VCAN: variants seen among roughly 807,000 people sequenced by gnomAD.
The protein encoded by VCAN is versican core protein.
In VCAN, 44 loss-of-function variants were observed where a neutral mutation model predicts 245.5. That is an observed-to-expected ratio of 0.18 (90% CI 0.14 to 0.23). The LOEUF (loss-of-function observed/expected upper bound fraction) is 0.23, where lower values mean the gene tolerates loss of function less well. VCAN is among the 10% of genes least tolerant of loss of function. The pLI, the probability that VCAN is intolerant of heterozygous loss-of-function variation, is 1.00. For synonymous variants in VCAN, 1,413 were observed against 1,437.0 expected (o/e 0.98, Z 0.38); for missense variants, 3,793 against 4,057.9 (o/e 0.93, Z 1.77).
rs776337557 is a variant in VCAN, at chr5:83,540,874, A to T, written c.7871A>T (p.Glu2624Val). 1.4e-5 allele frequency: 23 copies of T among 1,613,894 alleles called. No homozygotes were observed. The highest frequency in any genetic ancestry group is 2.2e-5 in the East Asian group (1 of 44,872). The change falls in exon 8 of 15, where the codon GAG becomes GTG. Residue 2624 changes from glutamate to valine, a missense_variant. Transcript: ENST00000265077. ...DDSTQVQEIYEAAVNLSLTEE... is the reference protein window; with the variant it reads ...DDSTQVQEIYVAAVNLSLTEE... ...AGCACTCAAGTTCAAGAGATCTATG[A>T]GGCAGCTGTCAACCTTTCTTTAACT...
intron 5 of VCAN, among the ~76,000 whole-genome samples, chr5:83,505,917 G>A (rs980628162): frequency 6.6e-6 from 1 of 152,210 alleles, no homozygotes; most frequent in Non-Finnish European, 1.5e-5. Context: ...AGCTGCCAAG[G>A]TTTGGGGCTT....
intron 10 of VCAN, 37 bp downstream of exon 10, chr5:83,548,121 T>C (rs1747306892): frequency 6.4e-7 from 1 of 1,556,920 alleles, no homozygotes; most frequent in East Asian, 2.2e-5. Flanking sequence ...ATGAACATTA[T>C]TGATTTTTTT....
At chr5:83,555,919 T>G (rs541447801) in intron 12 of VCAN, among the ~76,000 whole-genome samples, 1 of 152,342 alleles carries the variant, frequency 6.6e-6, no homozygotes, top group Non-Finnish European at 1.5e-5. Context: ...GTGTAAAATA[T>G]TGAAGATAAT....
intron 9 of VCAN, among the ~76,000 whole-genome samples, chr5:83,546,231 T>G (rs1747213397): frequency 6.9e-6 from 1 of 145,610 alleles, no homozygotes; most frequent in Non-Finnish European, 1.5e-5. Context: ...TTAGGCATCC[T>G]TCTCTTTAAA....
intron 10 of VCAN, among the ~76,000 whole-genome samples, chr5:83,549,843 A>AT (rs1020236774): frequency 2.6e-5 from 4 of 152,080 alleles, no homozygotes; most frequent in African/African-American, 4.8e-5. Flanking sequence ...ATACTGAAAG[A>AT]TTTTTTTCCT....
intron 7 of VCAN, among the ~76,000 whole-genome samples, chr5:83,528,271 G>GA (rs1746376040): frequency 6.6e-6 from 1 of 152,146 alleles, no homozygotes; most frequent in Non-Finnish European, 1.5e-5. Context: ...AGAAAGAGGA[G>GA]ACTTACGTCA....
chr5:83,579,493 G>A (rs904491315), intron 13 of VCAN, among the ~76,000 whole-genome samples: 1 of 152,076 alleles, frequency 6.6e-6, no homozygotes. Context: ...TTAATCTCTT[G>A]ATCTCGTGAT....
intron 8 of VCAN, among the ~76,000 whole-genome samples, chr5:83,544,501 T>C (rs1167916510): frequency 2.0e-5 from 3 of 152,224 alleles, no homozygotes; most frequent in Admixed American, 6.5e-5. Flanking sequence ...GTTAGACATC[T>C]TTCTTCTTTC....
At chr5:83,509,916 A>G (rs1017304709) in intron 5 of VCAN, among the ~76,000 whole-genome samples, 1 of 152,172 alleles carries the variant, frequency 6.6e-6, no homozygotes, top group African/African-American at 2.4e-5. Flanking sequence ...GCTTTATTTA[A>G]TGTGCTGTTG....
intron 7 of VCAN, among the ~76,000 whole-genome samples, chr5:83,528,088 A>G (rs1382068990): frequency 2.6e-5 from 4 of 152,208 alleles, no homozygotes; most frequent in Non-Finnish European, 5.9e-5. Flanking sequence ...AACATAAACC[A>G]TAGGCTGTGC....
chr5:83,508,449 G>A (rs1205094043), intron 5 of VCAN, among the ~76,000 whole-genome samples: 1 of 152,108 alleles, frequency 6.6e-6, no homozygotes, highest in Non-Finnish European at 1.5e-5. Context: ...AACTTATCAC[G>A]TTTGGTATAG....
In VCAN at chr5:83,541,656, C is replaced by T. The variant is rs781711414; in HGVS notation, c.8653C>T (p.His2885Tyr). The change falls in exon 8 of 15, where the codon CAC becomes TAC. Residue 2885 changes from histidine (H) to tyrosine (Y), a missense_variant. By Grantham distance (83) the His-to-Tyr change is moderately conservative. Transcript: ENST00000265077. ...CAAACCATCAAGTGAGGAATACCTT[C>T]ACATAACTGAGCCTCCCTCTTTATC... Reference protein sequence around the residue: ...TFKPSSEEYLHITEPPSLSPD... With the variant: ...TFKPSSEEYLYITEPPSLSPD... 1 of 1,613,880 alleles carries T rather than the reference C, an allele frequency of 6.2e-7. No individual in the cohort carries two copies. Among genetic ancestry groups the T allele is most frequent in the Admixed American group, 1.7e-5 (1 of 60,010 alleles).
Position 83,532,534 on chromosome 5 carries a change from T to C in VCAN, c.4004-4473T>C, listed in dbSNP as rs951726952. 3.9e-5 allele frequency among the ~76,000 whole-genome samples: 6 copies of C among 152,090 alleles called. No individual in the cohort carries two copies. In the East Asian group the frequency reaches 7.7e-4, roughly 20 times the overall value. On this transcript the variant is annotated intron_variant, in intron 7 of 14. Coordinates refer to ENST00000265077, the MANE Select transcript of VCAN (RefSeq NM_004385.5). ...ATTTTAACTTGAAAGCCCTGGGTAA[T>C]TAACATTTCTCTCTCCTTCAAACTG...
At chr5:83,496,369 C>G (rs114448531) in intron 5 of VCAN, among the ~76,000 whole-genome samples, 1 of 152,338 alleles carries the variant, frequency 6.6e-6, no homozygotes, top group Non-Finnish European at 1.5e-5. Flanking sequence ...AATCTACATA[C>G]TTGGTGACTG....
Position 83,538,185 on chromosome 5 carries a change from G to A in VCAN, c.5182G>A (p.Glu1728Lys). The change falls in exon 8 of 15, where the codon GAG becomes AAG. Residue 1728 changes from glutamate to lysine, a missense_variant. Physicochemically the swap from Glu to Lys is moderately conservative, Grantham distance 56 (BLOSUM62 1). Coordinates refer to ENST00000265077, the MANE Select transcript of VCAN (RefSeq NM_004385.5). ...TGTTGAGGAAAAGAAAAGGAAGGAG[G>A]AGGAGGGAACTACAGGTACGGCTTC... The part of the protein sequence containing the change: ...TTVEEKKRKE[E>K]EGTTGTASTF... 1 of 1,613,926 alleles carries A rather than the reference G, an allele frequency of 6.2e-7. No homozygotes were observed. The highest frequency in any genetic ancestry group is 8.5e-7 in the Non-Finnish European group (1 of 1,179,948).
chr5:83,561,620 G>A (rs566943680), intron 12 of VCAN, among the ~76,000 whole-genome samples: 2 of 152,240 alleles, frequency 1.3e-5, no homozygotes, highest in East Asian at 3.9e-4. Flanking sequence ...TTTAAATCCA[G>A]AGGCTCCTTC....
Position 83,545,618 on chromosome 5 carries a change from T to A in VCAN, c.9347T>A (p.Val3116Glu), listed in dbSNP as rs772456938. The A allele has an allele frequency of 2.5e-6, 4 of 1,614,048 alleles. No individual in the cohort carries two copies. Among genetic ancestry groups the A allele is most frequent in the Non-Finnish European group, 3.4e-6 (4 of 1,180,004 alleles). ...PTETSYVCTC[V>E]PGYSGDQCEL... ...GAAACTTCCTACGTATGCACCTGTG[T>A]GCCAGGATACAGCGGAGACCAGTGT... The change falls in exon 9 of 15, where the codon GTG becomes GAG. Residue 3116 changes from valine (V) to glutamate (E), a missense_variant. Val to Glu is a moderately radical substitution (Grantham distance 121). This residue lies in a region of VCAN where 3,182 missense variants were observed against 3,250.3 expected (regional missense o/e 0.98). Coordinates refer to ENST00000265077, the MANE Select transcript of VCAN (RefSeq NM_004385.5).
At chr5:83,474,553 G>A (rs764714462) in intron 1 of VCAN, among the ~76,000 whole-genome samples, 40 of 152,220 alleles carry the variant, frequency 2.6e-4, no homozygotes, top group African/African-American at 8.9e-4. Flanking sequence ...GACCCGCAAC[G>A]GGCGCTCCCC....
chr5:83,576,893 G>A (rs1580083464), intron 13 of VCAN, among the ~76,000 whole-genome samples: 1 of 151,890 alleles, frequency 6.6e-6, no homozygotes, highest in East Asian at 1.9e-4. Flanking sequence ...ATATCTTTTG[G>A]TTATTTTTGA....
Sources: allele counts gnomAD v4.1 joint callset (sites outside exome capture counted in the v4.1 genomes callset), GRCh38; gene constraint gnomAD v4.1.1; regional missense constraint gnomAD v4.1.1; transcripts MANE v1.5; gene names NCBI Gene and HGNC (gene_info 2026-07-23, HGNC 2026-07-21).